Variants in BICC1 observed in about 807,000 individuals in gnomAD.
BICC1 encodes the protein BicC family RNA binding protein 1.
In BICC1, 43 loss-of-function variants were observed where a neutral mutation model predicts 111.0. The ratio of observed to expected loss-of-function variants is 0.39; its 90% CI spans 0.30 to 0.50. The LOEUF is 0.50. Among genes scored for constraint, BICC1 ranks in the 20% least tolerant of loss-of-function variants. The pLI, the probability that BICC1 is intolerant of heterozygous loss-of-function variation, is 0.88. For missense variants in BICC1, 1,091 were observed against 1,203.2 expected (o/e 0.91, Z 1.38); for synonymous variants, 467 against 434.4 (o/e 1.07, Z -0.93).
At chr10:58,605,109 G>C (rs1201117809) in intron 1 of BICC1, among the ~76,000 whole-genome samples, 1 of 152,176 alleles carries the variant, frequency 6.6e-6, no homozygotes, top group Non-Finnish European at 1.5e-5. Flanking sequence ...ATTTAGACCA[G>C]AGCAAATGGT....
chr10:58,620,895 T>C lies in BICC1; in HGVS notation c.231T>C (p.Phe77=). The change falls in exon 2 of 21, where the codon TTT becomes TTC. Residue 77 remains phenylalanine (F), a synonymous_variant. Coordinates refer to ENST00000373886, the MANE Select transcript of BICC1 (RefSeq NM_001080512.3). ...EGKGRSGEDF[F]QKIMEETNTQ... is the part of the protein sequence containing the mutation. The stretch of plus-strand genomic sequence containing the variant: ...AAGGCAGAAGTGGGGAAGACTTTTT[T>C]CAAAAGGTAAGTTGTCTTTTACTCT... 6.2e-7 allele frequency: 1 copy of C among 1,613,518 alleles called. No homozygotes were observed. Among genetic ancestry groups the C allele is most frequent in the Non-Finnish European group, 8.5e-7 (1 of 1,179,698 alleles).
At chr10:58,542,842 A>G (rs1205243338) in intron 1 of BICC1, among the ~76,000 whole-genome samples, 1 of 115,000 alleles carries the variant, frequency 8.7e-6, no homozygotes, top group African/African-American at 3.4e-5. Context: ...TAGGATGGCC[A>G]TTATTAAAAA....
At chr10:58,826,828 T>G (rs111843628) in intron 20 of BICC1, among the ~76,000 whole-genome samples, 36 of 152,320 alleles carry the variant, frequency 2.4e-4, no homozygotes, top group African/African-American at 8.7e-4. Context: ...ACTGCTGTTT[T>G]GTGCGAATGC....
chr10:58,775,909 CAG>C (rs1185201322), intron 3 of BICC1, among the ~76,000 whole-genome samples: 2 of 152,164 alleles, frequency 1.3e-5, no homozygotes, highest in African/African-American at 2.4e-5. Context: ...CTTTAGCACA[CAG>C]AGTCAATTGA....
chr10:58,667,885 A>T (rs1839065937), intron 2 of BICC1, among the ~76,000 whole-genome samples: 2 of 152,062 alleles, frequency 1.3e-5, no homozygotes, highest in African/African-American at 2.4e-5. Flanking sequence ...CAAATGTTAA[A>T]TGGGGAGCAT....
intron 17 of BICC1, among the ~76,000 whole-genome samples, chr10:58,809,319 G>C (rs915880304): frequency 2.0e-5 from 3 of 151,922 alleles, no homozygotes; most frequent in African/African-American, 7.3e-5. Flanking sequence ...CAGGTGTGAG[G>C]TTCTTTTAAG....
At chr10:58,724,759 G>T (rs904921183) in intron 3 of BICC1, among the ~76,000 whole-genome samples, 8 of 152,232 alleles carry the variant, frequency 5.3e-5, no homozygotes, top group Admixed American at 1.3e-4. Flanking sequence ...GCAGTCACCA[G>T]AACACATCTG....
At chr10:58,798,986 A>G (rs1307243890) in intron 11 of BICC1, 70 bp from the exon 12 acceptor site, 3 of 1,177,282 alleles carry the variant, frequency 2.5e-6, no homozygotes, top group East Asian at 2.5e-5. Flanking sequence ...TGATATTTTT[A>G]TTGTTAATAA....
At chr10:58,718,855 T>C (rs929992813) in intron 3 of BICC1, among the ~76,000 whole-genome samples, 2 of 152,134 alleles carry the variant, frequency 1.3e-5, no homozygotes, top group Admixed American at 1.3e-4. Context: ...AATTACTTAC[T>C]GTATTATACA....
At chr10:58,575,357 G>C (rs2131993136) in intron 1 of BICC1, among the ~76,000 whole-genome samples, 1 of 152,132 alleles carries the variant, frequency 6.6e-6, no homozygotes, top group East Asian at 1.9e-4. Context: ...TGGTTTCAGT[G>C]TTCTACCACC....
chr10:58,748,035 G>A (rs934155672), intron 3 of BICC1, among the ~76,000 whole-genome samples: 2 of 152,078 alleles, frequency 1.3e-5, no homozygotes, highest in African/African-American at 2.4e-5. Flanking sequence ...CTGCCAGACA[G>A]GTAAGTTACA....
chr10:58,750,202 G>A (rs558669839), intron 3 of BICC1, among the ~76,000 whole-genome samples: 8 of 152,260 alleles, frequency 5.3e-5, no homozygotes, highest in African/African-American at 1.4e-4. Context: ...AAAAATGGTA[G>A]CGAGTGAGAG....
At chr10:58,803,667 C>A (rs529434962) in intron 15 of BICC1, among the ~76,000 whole-genome samples, 2 of 152,020 alleles carry the variant, frequency 1.3e-5, no homozygotes, top group Non-Finnish European at 2.9e-5. Context: ...ATGAGAATAA[C>A]GAATGTGGAG....
chr10:58,625,634 T>C (rs1203422298), intron 2 of BICC1, among the ~76,000 whole-genome samples: 3 of 152,326 alleles, frequency 2.0e-5, no homozygotes, highest in African/African-American at 7.2e-5. Flanking sequence ...CAATGAGATA[T>C]TGATGGCTTA....
intron 2 of BICC1, among the ~76,000 whole-genome samples, chr10:58,663,505 C>T (rs748200289): frequency 3.9e-5 from 6 of 152,166 alleles, no homozygotes; most frequent in Non-Finnish European, 5.9e-5. Context: ...GCACTGGTAT[C>T]GGCCTGTTAG....
intron 2 of BICC1, among the ~76,000 whole-genome samples, chr10:58,629,180 A>G (rs1837719802): frequency 6.6e-6 from 1 of 152,202 alleles, no homozygotes; most frequent in Non-Finnish European, 1.5e-5. Flanking sequence ...AATCTGGCTA[A>G]AGTAACATGT....
intron 1 of BICC1, among the ~76,000 whole-genome samples, chr10:58,528,764 CTT>C (rs780360555): frequency 5.3e-5 from 8 of 151,912 alleles, no homozygotes; most frequent in Non-Finnish European, 1.2e-4. Flanking sequence ...CTTAAAATCT[CTT>C]TCAGTTCCAG....
At chr10:58,574,917 A>G (rs1190030673) in intron 1 of BICC1, among the ~76,000 whole-genome samples, 2 of 152,054 alleles carry the variant, frequency 1.3e-5, no homozygotes, top group Non-Finnish European at 2.9e-5. Context: ...CTCACTCTTC[A>G]GGTAGCCTCT....
chr10:58,651,913 G>A (rs1437826196), intron 2 of BICC1, among the ~76,000 whole-genome samples: 7 of 152,046 alleles, frequency 4.6e-5, no homozygotes, highest in Non-Finnish European at 1.0e-4. Flanking sequence ...TGAGATAACA[G>A]GATTAAGATG....
Sources: gnomAD v4.1 joint callset for allele counts (sites outside exome capture counted in the v4.1 genomes callset) on GRCh38, gnomAD v4.1.1 for gene constraint, MANE v1.5 for transcripts, NCBI Gene and HGNC (gene_info 2026-07-23, HGNC 2026-07-21) for gene names.